The following ARL5C variants were observed in gnomAD, a reference collection of about 807,000 sequenced individuals.
ARL5C encodes putative ADP-ribosylation factor-like protein 5C.
ARL5C carries 21 observed loss-of-function variants against 20.8 expected under a neutral mutation model. That is an observed-to-expected ratio of 1.01 (90% CI 0.72 to 1.46). ARL5C has a LOEUF of 1.46. Ranked by LOEUF, ARL5C falls within the 40% of genes most tolerant of loss-of-function variation. The probability of loss-of-function intolerance (pLI) is 0.00; values close to 1 mark genes in which losing one functional copy is unlikely to be tolerated. For missense variants in ARL5C, 199 were observed against 225.1 expected (o/e 0.88, Z 0.74); for synonymous variants, 71 against 81.6 (o/e 0.87, Z 0.70).
intron 5 of ARL5C, among the ~76,000 whole-genome samples, chr17:39,158,145 AAGGAAGAGAGGG>A: frequency 7.5e-6 from 1 of 133,988 alleles, no homozygotes; most frequent in Non-Finnish European, 1.6e-5. Context: ...GGAAGGAAGG[AAGGAAGAGAGGG>A]AGGAAGTGAG....
At chr17:39,164,194 G>T (rs1056922124) in intron 2 of ARL5C, 8 of 152,130 alleles carry the variant, frequency 5.3e-5, no homozygotes, top group East Asian at 1.9e-4. Flanking sequence ...AAAGTGCTGC[G>T]ATTACAGGCA....
At chr17:39,160,549 G>C (rs1379946203) in intron 5 of ARL5C, 42 bp downstream of exon 5, 2 of 1,546,774 alleles carry the variant, frequency 1.3e-6, no homozygotes, top group African/African-American at 1.4e-5. Flanking sequence ...TCATCCATTG[G>C]TTCAGCCAGG....
chr17:39,157,971 G>A (rs1043868398), intron 5 of ARL5C, among the ~76,000 whole-genome samples: 4 of 151,634 alleles, frequency 2.6e-5, no homozygotes, highest in African/African-American at 4.8e-5. Flanking sequence ...GGTGGCTCAC[G>A]CCTGTAATCC....
intron 2 of ARL5C, among the ~76,000 whole-genome samples, chr17:39,164,724 G>A (rs552900030): frequency 3.4e-4 from 52 of 152,232 alleles, no homozygotes; most frequent in Non-Finnish European, 4.6e-4. Flanking sequence ...TTGAAGAAGG[G>A]GAAGAAAGTT....
In ARL5C at chr17:39,160,630, G is replaced by A. The variant is rs376949657; in HGVS notation, c.452C>T (p.Ser151Leu). ...FLTLSTIKDH[S>L]WHIQGCCALT... ...GGCACAGCAGCCTTGTATATGCCAC[G>A]AGTGGTCTTTGATGGTGCTGAGAGT... Residue 151 changes from serine (S) to leucine (L), a missense_variant, in exon 5 of 6, where the codon TCG (serine) becomes TTG (leucine). Physicochemically the swap from Ser to Leu is moderately radical, Grantham distance 145. Transcript: ENST00000269586. The A allele has an allele frequency of 1.3e-4, 194 of 1,551,756 alleles. 1 individual carries two copies. The highest frequency in any genetic ancestry group is 1.2e-3 in the African/African-American group (85 of 73,060).
intron 5 of ARL5C, among the ~76,000 whole-genome samples, chr17:39,159,186 C>T (rs1425454703): frequency 6.1e-5 from 9 of 148,384 alleles, no homozygotes; most frequent in Non-Finnish European, 8.9e-5. Context: ...TGTGTGCCAC[C>T]ACATCCAGCG....
At chr17:39,160,851 G>T in intron 4 of ARL5C, 109 bp from the exon 5 acceptor site, 2 of 1,334,462 alleles carry the variant, frequency 1.5e-6, no homozygotes, top group Non-Finnish European at 2.0e-6. Context: ...AGGAAGAGAG[G>T]CCCATGCCTG....
At chr17:39,158,081 G>A (rs1567779700) in intron 5 of ARL5C, among the ~76,000 whole-genome samples, 1 of 140,656 alleles carries the variant, frequency 7.1e-6, no homozygotes, top group Non-Finnish European at 1.5e-5. Flanking sequence ...CTGGGCAACA[G>A]AGCAAGTGGC....
Position 39,162,721 on chromosome 17 carries a change from G to C in ARL5C, c.245C>G (p.Ser82Cys). ...ALSFIWNTYY[S>C]NTEFIILVID... ...TGGTGCCCTCCTCACCTCAGTGTTG[G>C]AGTAGTATGTGTTCCAGATAAAGCT... The change falls in exon 3 of 6, where the codon TCC becomes TGC. Residue 82 changes from serine (S) to cysteine (C), a missense_variant. Transcript: ENST00000269586. 6.4e-7 allele frequency: 1 copy of C among 1,551,664 alleles called. No individual in the cohort carries two copies. Among genetic ancestry groups the C allele is most frequent in the Non-Finnish European group, 8.7e-7 (1 of 1,146,960 alleles).
chr17:39,164,029 A>G (rs2045450964), intron 2 of ARL5C: 1 of 152,062 alleles, frequency 6.6e-6, no homozygotes, highest in Admixed American at 6.6e-5. Flanking sequence ...CAGCCTCTCA[A>G]AGTGCTGGGA....
At chr17:39,161,885 T>C (rs928588691) in intron 3 of ARL5C, among the ~76,000 whole-genome samples, 1 of 152,184 alleles carries the variant, frequency 6.6e-6, no homozygotes, top group African/African-American at 2.4e-5. Context: ...CTGTGCTACA[T>C]AAGCATTGGG....
rs57971716 is a variant in ARL5C at position 39,160,338 on chromosome 17, AAGAG to A, written c.491+249_491+252del. 8 of 392,550 alleles carry A rather than the reference AAGAG, an allele frequency of 2.0e-5. No individual in the cohort carries two copies. The South Asian group carries it at 2.2e-4, about 11-fold the overall frequency. 24.3% of individuals were successfully genotyped at this position (392,550 alleles called of 1,614,324 possible). On this transcript the variant is annotated intron_variant, in intron 5 of 5. Coordinates refer to ENST00000269586, the MANE Select transcript of ARL5C (RefSeq NM_001143968.1). ...AAACTCTGTCTCAAAAAAAAAAAAA[AAGAG>A]AGAGAGATTATTGCATTTAGGCGGA...
chr17:39,165,843 C>A lies in ARL5C; in HGVS notation c.-83G>T, dbSNP rs905465304. On this transcript the variant is annotated 5_prime_UTR_variant, in exon 1 of 6. Transcript: ENST00000269586. ...GCCCTGGTATTCGGAGCTCCGCTCC[C>A]CCGGGAGGGTCTGGCAGATTTTGCC... 2 of 1,489,658 alleles carry A rather than the reference C, an allele frequency of 1.3e-6. No homozygotes were observed. The highest frequency in any genetic ancestry group is 4.0e-5 in the Admixed American group (2 of 50,500). 92.3% of individuals were successfully genotyped at this position (1,489,658 alleles called of 1,614,324 possible). A position where few individuals can be genotyped will look rare whatever the true frequency, so the allele number is the denominator to read the frequency against.
intron 2 of ARL5C, among the ~76,000 whole-genome samples, 158 bp from the exon 3 acceptor site, chr17:39,163,016 G>T (rs2045442441): frequency 6.6e-6 from 1 of 152,206 alleles, no homozygotes; most frequent in Non-Finnish European, 1.5e-5. Context: ...GCTGGGCCCT[G>T]GGGAATGAAG....
At chr17:39,161,372 G>C in intron 3 of ARL5C, 21 bp from the exon 4 acceptor site, 1 of 1,549,232 alleles carries the variant, frequency 6.5e-7, no homozygotes. Flanking sequence ...GAGGGGAGCC[G>C]TGAGAGACAG....
At position 39,166,006 on chromosome 17, in the gene ARL5C, GGT is replaced by G; in HGVS notation, c.-248_-247del. 1.8e-6 allele frequency: 1 copy of G among 541,908 alleles called. No individual in the cohort carries two copies. Among genetic ancestry groups the G allele is most frequent in the Non-Finnish European group, 3.3e-6 (1 of 302,258 alleles). The allele number at this position is 541,908 out of a possible 1,614,324, so 33.6% of individuals were successfully genotyped here. On this transcript the variant is annotated 5_prime_UTR_variant, in exon 1 of 6. Coordinates refer to ENST00000269586, the MANE Select transcript of ARL5C (RefSeq NM_001143968.1). ...GCCCAAGAGGTGCAAGGAATATGGG[GGT>G]TCCAGGCTCCAGCCCTCCCCCTCGC...
At chr17:39,161,983 C>A (rs2045437559) in intron 3 of ARL5C, among the ~76,000 whole-genome samples, 1 of 152,104 alleles carries the variant, frequency 6.6e-6, no homozygotes, top group South Asian at 2.1e-4. Context: ...GACTGAGGCT[C>A]AGTGAGGCTA....
chr17:39,158,998 T>TA (rs1405570009), intron 5 of ARL5C, among the ~76,000 whole-genome samples: 1 of 150,470 alleles, frequency 6.6e-6, no homozygotes, highest in Non-Finnish European at 1.5e-5. Context: ...TCTTACTCTT[T>TA]ATTCACCTTA....
chr17:39,165,633 C>A (rs1181410148), intron 1 of ARL5C, 82 bp downstream of exon 1: 1 of 1,521,902 alleles, frequency 6.6e-7, no homozygotes, highest in Non-Finnish European at 8.9e-7. Context: ...GAGGTCCCCC[C>A]GTGCGTCCGA....
Sources: gnomAD v4.1 joint callset for allele counts (sites outside exome capture counted in the v4.1 genomes callset) on GRCh38, gnomAD v4.1.1 for gene constraint, MANE v1.5 for transcripts, NCBI Gene and HGNC (gene_info 2026-07-23, HGNC 2026-07-21) for gene names.